The following SORCS1 variants were observed in gnomAD, a reference collection of about 807,000 sequenced individuals.
SORCS1 encodes the protein VPS10 domain-containing receptor SorCS1.
SORCS1 carries 60 observed loss-of-function variants against 146.1 expected under a neutral mutation model. The ratio of observed to expected loss-of-function variants is 0.41; its 90% CI spans 0.33 to 0.51. The LOEUF (loss-of-function observed/expected upper bound fraction) is 0.51, where lower values mean the gene tolerates loss of function less well. Among genes scored for constraint, SORCS1 ranks in the 20% least tolerant of loss-of-function variants. The probability of loss-of-function intolerance (pLI) is 0.21; values close to 1 mark genes in which losing one functional copy is unlikely to be tolerated. For synonymous variants in SORCS1, 637 were observed against 584.0 expected, an observed-to-expected ratio of 1.09 and a Z score of -1.31; for missense variants, 1,352 against 1,487.6, an observed-to-expected ratio of 0.91 and a Z score of 1.50.
At chr10:107,076,261 T>C (rs1013250451) in intron 1 of SORCS1, among the ~76,000 whole-genome samples, 4 of 152,132 alleles carry the variant, frequency 2.6e-5, no homozygotes, top group Non-Finnish European at 4.4e-5. Context: ...TATAGCCTTC[T>C]TGGTGATTCA....
chr10:106,881,707 A>T (rs1031472548), intron 2 of SORCS1, among the ~76,000 whole-genome samples: 4 of 152,234 alleles, frequency 2.6e-5, no homozygotes, highest in Non-Finnish European at 4.4e-5. Flanking sequence ...TAACAGCAAG[A>T]GCTAAGAAGA....
Position 107,130,315 on chromosome 10 carries a change from ATACAGT to A in SORCS1, c.558+33648_558+33653del, listed in dbSNP as rs1177397243. On this transcript the variant is annotated intron_variant, in intron 1 of 25. Coordinates refer to ENST00000263054, the MANE Select transcript of SORCS1 (RefSeq NM_052918.5). ...ACAGAAGGAACAAGTGGACTCTGCT[ATACAGT>A]TACAAACTGCAGAGCAACAAATAAT... is the stretch of plus-strand genomic sequence containing the variant. Among the ~76,000 whole-genome samples, 4 of 152,364 alleles carry A rather than the reference ATACAGT, an allele frequency of 2.6e-5. No homozygotes were observed. The East Asian group carries it at 7.7e-4, about 29-fold the overall frequency.
chr10:106,661,920 A>T (rs1850759266), intron 17 of SORCS1, among the ~76,000 whole-genome samples: 1 of 152,238 alleles, frequency 6.6e-6, no homozygotes, highest in Admixed American at 6.5e-5. Flanking sequence ...ACAGAGGCTG[A>T]ATAGAGGCAG....
intron 2 of SORCS1, among the ~76,000 whole-genome samples, chr10:106,915,127 C>T (rs1334721687): frequency 6.6e-6 from 1 of 152,134 alleles, no homozygotes; most frequent in African/African-American, 2.4e-5. Flanking sequence ...TCAAACTGAC[C>T]TCAAAGTCAA....
intron 18 of SORCS1, 128 bp from the exon 19 acceptor site, chr10:106,629,516 C>G: frequency 1.2e-6 from 1 of 812,868 alleles, no homozygotes. Context: ...ACTCCTACAG[C>G]TAGGAGCATC....
At chr10:106,906,252 T>C (rs867982552) in intron 2 of SORCS1, among the ~76,000 whole-genome samples, 1 of 152,170 alleles carries the variant, frequency 6.6e-6, no homozygotes, top group African/African-American at 2.4e-5. Flanking sequence ...ATAGCTGGGA[T>C]TACAGGTGCC....
At chr10:107,040,084 T>C (rs1959088876) in intron 1 of SORCS1, among the ~76,000 whole-genome samples, 1 of 152,124 alleles carries the variant, frequency 6.6e-6, no homozygotes. Flanking sequence ...AAGTAACCAC[T>C]AAACCTAGTA....
intron 12 of SORCS1, among the ~76,000 whole-genome samples, chr10:106,678,218 A>G (rs1852180532): frequency 6.6e-6 from 1 of 152,214 alleles, no homozygotes; most frequent in Non-Finnish European, 1.5e-5. Context: ...AGAAGTAAAG[A>G]CTTCTTTGCC....
chr10:107,008,245 T>C (rs899262723), intron 1 of SORCS1, among the ~76,000 whole-genome samples: 7 of 152,188 alleles, frequency 4.6e-5, no homozygotes, highest in African/African-American at 1.2e-4. Flanking sequence ...TACAATTTCA[T>C]TGGTTTCCAT....
At chr10:106,662,590 A>T (rs1850815260) in intron 17 of SORCS1, among the ~76,000 whole-genome samples, 1 of 152,154 alleles carries the variant, frequency 6.6e-6, no homozygotes, top group South Asian at 2.1e-4. Flanking sequence ...GCACTGACTG[A>T]GCATGAGGTG....
intron 1 of SORCS1, among the ~76,000 whole-genome samples, chr10:107,091,450 A>G (rs914480432): frequency 6.6e-6 from 1 of 152,202 alleles, no homozygotes; most frequent in African/African-American, 2.4e-5. Context: ...TGGGACATTA[A>G]TTTCCATTTC....
chr10:106,688,680 G>A (rs1298365883), intron 9 of SORCS1, among the ~76,000 whole-genome samples: 1 of 151,980 alleles, frequency 6.6e-6, no homozygotes, highest in Non-Finnish European at 1.5e-5. Flanking sequence ...AAATAAATAG[G>A]GGCTACTTCT....
In SORCS1 at chr10:106,776,670, T is replaced by G. The variant is rs1204965466; in HGVS notation, c.749A>C (p.Glu250Ala). The stretch of plus-strand genomic sequence containing the variant: ...GCTGATCAATAAACTGCTCTCAATC[T>G]CCGGGTCTGTGAGTAACATTATCTG... The part of the protein sequence containing the change: ...KRKIMLLTDP[E>A]IESSLLISSD... Residue 250 changes from glutamate (E) to alanine (A), a missense_variant, in exon 4 of 26, where the codon GAG becomes GCG. Around this residue, in one of 3 missense-constraint regions of SORCS1, gnomAD observed 490 missense variants for 489.1 expected, o/e 1.00. Coordinates refer to ENST00000263054, the MANE Select transcript of SORCS1 (RefSeq NM_052918.5). 1.2e-6 allele frequency: 2 copies of G among 1,613,472 alleles called. No homozygotes were observed. Among genetic ancestry groups the G allele is most frequent in the Admixed American group, 3.3e-5 (2 of 59,982 alleles).
chr10:106,587,391 C>T (rs965971359), intron 24 of SORCS1, among the ~76,000 whole-genome samples: 1 of 152,336 alleles, frequency 6.6e-6, no homozygotes, highest in Middle Eastern at 3.4e-3. Context: ...TTCCACAACT[C>T]CTATTTGGCA....
At position 106,607,277 on chromosome 10, in the gene SORCS1, C is replaced by T. The variant is rs998278188; in HGVS notation, c.3054G>A (p.Gln1018=). Residue 1018 remains glutamine, a synonymous_variant, in exon 23 of 26, where the codon CAG becomes CAA. Transcript: ENST00000263054. ...CAGGGAGCACCGCCACCAGGATGTG[C>T]TGGCCTGGAACCCCTGTGGCCTGAG... ...SLVEATGVPG[Q]HILVAVLPGL... is the part of the protein sequence containing the mutation. 3.1e-6 allele frequency: 5 copies of T among 1,613,952 alleles called. No homozygotes were observed. In the African/African-American group the frequency reaches 6.7e-5, roughly 22 times the overall value.
At chr10:106,964,992 T>C (rs1403412251) in intron 1 of SORCS1, among the ~76,000 whole-genome samples, 1 of 150,774 alleles carries the variant, frequency 6.6e-6, no homozygotes, top group Non-Finnish European at 1.5e-5. Context: ...ATGCTAATAG[T>C]GACTCAAGCA....
intron 1 of SORCS1, among the ~76,000 whole-genome samples, chr10:107,034,049 C>A (rs1020350335): frequency 6.6e-6 from 1 of 152,206 alleles, no homozygotes; most frequent in South Asian, 2.1e-4. Flanking sequence ...TGTTAATCAG[C>A]ATCACAAACA....
chr10:106,816,034 G>A (rs952048608), intron 3 of SORCS1, among the ~76,000 whole-genome samples: 1 of 152,082 alleles, frequency 6.6e-6, no homozygotes, highest in Admixed American at 6.6e-5. Context: ...TTCTTTTTGG[G>A]CCACTGTGTT....
At chr10:106,682,931 C>A (rs985310040) in intron 10 of SORCS1, among the ~76,000 whole-genome samples, 1 of 152,212 alleles carries the variant, frequency 6.6e-6, no homozygotes, top group Non-Finnish European at 1.5e-5. Context: ...TGCTTGGAAG[C>A]TGCCCTTTGC....
Sources: gnomAD v4.1 joint callset for allele counts (sites outside exome capture counted in the v4.1 genomes callset) on GRCh38, gnomAD v4.1.1 for gene constraint, gnomAD v4.1.1 regional missense constraint, MANE v1.5 for transcripts, NCBI Gene and HGNC (gene_info 2026-07-23, HGNC 2026-07-21) for gene names.